Variants in CDHR1 observed in about 807,000 individuals in gnomAD.
CDHR1 encodes the protein cadherin-related family member 1.
In CDHR1, 61 loss-of-function variants were observed where a neutral mutation model predicts 72.1. The observed-to-expected ratio is 0.85, with a 90% CI of 0.69 to 1.05. The LOEUF (loss-of-function observed/expected upper bound fraction) is 1.05, where lower values mean the gene tolerates loss of function less well. Ranked by LOEUF, CDHR1 falls within the 50% of genes least tolerant of loss-of-function variation. CDHR1 has a pLI of 0.00. For synonymous variants in CDHR1, 470 were observed against 448.1 expected, an observed-to-expected ratio of 1.05 and a Z score of -0.62; for missense variants, 1,186 against 1,115.7, an observed-to-expected ratio of 1.06 and a Z score of -0.90.
rs1434052391 is a variant in CDHR1, at chr10:84,213,308, G to T, written c.2000G>T (p.Ser667Ile). 6 of 1,614,092 alleles carry T rather than the reference G, an allele frequency of 3.7e-6. No homozygotes were observed. Among genetic ancestry groups the T allele is most frequent in the Admixed American group, 1.7e-5 (1 of 60,018 alleles). ...QAKDRGSPSFSTTALLKIDIT... is the reference protein window; with the variant it reads ...QAKDRGSPSFITTALLKIDIT... ...AAGGACCGGGGCTCCCCATCCTTCA[G>T]CACCACAGCCTTACTCAAGATTGAC... Residue 667 changes from serine (S) to isoleucine (I), a missense_variant, in exon 16 of 17, where the codon AGC becomes ATC. By Grantham distance (142) the Ser-to-Ile change is moderately radical. Transcript: ENST00000623527.
At chr10:84,202,880 C>T in intron 7 of CDHR1, 100 bp from the exon 8 acceptor site, 5 of 1,346,114 alleles carry the variant, frequency 3.7e-6, no homozygotes, top group Non-Finnish European at 3.2e-6. Flanking sequence ...GACAGCTGGC[C>T]TCACAGCCAT....
Position 84,208,179 on chromosome 10 carries a change from T to C in CDHR1, c.969T>C (p.Thr323=), listed in dbSNP as rs1331320927. The change falls in exon 11 of 17, where the codon ACT becomes ACC. Residue 323 remains threonine (T), a synonymous_variant. Coordinates refer to ENST00000623527, the MANE Select transcript of CDHR1 (RefSeq NM_033100.4). ...REVYELHVQV[T]EMSPAGSPAA... ...GCCACTTGTCCCCATCCCAGGTGAC[T>C]GAAATGAGCCCTGCGGGGAGCCCAG... The C allele has an allele frequency of 1.2e-6, 2 of 1,614,104 alleles. No homozygotes were observed. The highest frequency in any genetic ancestry group is 1.7e-6 in the Non-Finnish European group (2 of 1,180,000).
At chr10:84,195,391 C>A in intron 1 of CDHR1, 103 bp from the exon 2 acceptor site, 4 of 1,082,890 alleles carry the variant, frequency 3.7e-6, no homozygotes, top group South Asian at 1.3e-5. Flanking sequence ...GCCCTCCTGC[C>A]CAGTAGCTGG....
Position 84,195,522 on chromosome 10 carries a change from C to T in CDHR1, c.84C>T (p.Phe28=), listed in dbSNP as rs868172698. 4.3e-6 allele frequency: 7 copies of T among 1,614,030 alleles called. No homozygotes were observed. The highest frequency in any genetic ancestry group is 1.3e-5 in the African/African-American group (1 of 74,924). ...AGGCCAACTTCGCCCCGCACTTCTT[C>T]GACAACGGGGTCGGCAGCACCAACG... The part of the protein sequence containing the change: ...LAQANFAPHF[F]DNGVGSTNGN... The change falls in exon 2 of 17, where the codon TTC becomes TTT. Residue 28 remains phenylalanine, a synonymous_variant. Transcript: ENST00000623527.
In CDHR1 at chr10:84,211,044, C is replaced by T. The variant is rs1842321578; in HGVS notation, c.1364C>T (p.Thr455Ile). 1.2e-6 allele frequency: 2 copies of T among 1,614,240 alleles called. No individual in the cohort carries two copies. Among genetic ancestry groups the T allele is most frequent in the Non-Finnish European group, 8.5e-7 (1 of 1,180,048 alleles). Residue 455 changes from threonine (T) to isoleucine (I), a missense_variant, in exon 13 of 17, where the codon ACA (threonine) becomes ATA (isoleucine). By Grantham distance (89) the Thr-to-Ile change is moderately conservative. Coordinates refer to ENST00000623527, the MANE Select transcript of CDHR1 (RefSeq NM_033100.4). ...AACACCCCAGAGAAGTTCAGTTCCA[C>T]AGCGGATGTTGTGATCCAGCTCCTG... ...EVNTPEKFSS[T>I]ADVVIQLLDT...
chr10:84,213,626 A>G (rs1261152924), intron 16 of CDHR1, among the ~76,000 whole-genome samples: 1 of 152,244 alleles, frequency 6.6e-6, no homozygotes, highest in Middle Eastern at 3.2e-3. Context: ...GTTGAAAAGC[A>G]GAGTGAAGTC....
At position 84,208,766 on chromosome 10, in the gene CDHR1, C is replaced by G. The variant is rs1842277221; in HGVS notation, c.1205C>G (p.Pro402Arg). Reference sequence around the variant, plus strand: ...AAATTCAACTTGCAGCTGGTGGGACCCAGGGGCATCTTCCGAGTGGTTCCA... The same window carrying G: ...AAATTCAACTTGCAGCTGGTGGGACGCAGGGGCATCTTCCGAGTGGTTCCA... ...NAKFNLQLVG[P>R]RGIFRVVPQT... Residue 402 changes from proline to arginine, a missense_variant, in exon 12 of 17, where the codon CCC (proline) becomes CGC (arginine). Coordinates refer to ENST00000623527, the MANE Select transcript of CDHR1 (RefSeq NM_033100.4). 3.1e-6 allele frequency: 5 copies of G among 1,614,160 alleles called. No individual in the cohort carries two copies. The South Asian group carries it at 4.4e-5, about 14-fold the overall frequency.
Position 84,215,913 on chromosome 10 carries a change from G to A in CDHR1, c.*1292G>A, listed in dbSNP as rs1005782788. 18 of 985,344 alleles carry A rather than the reference G, an allele frequency of 1.8e-5. No homozygotes were observed. The Admixed American group carries it at 1.1e-3, about 61-fold the overall frequency. The allele number at this position is 985,344 out of a possible 1,614,324, so 61.0% of individuals were successfully genotyped here. A position where few individuals can be genotyped will look rare whatever the true frequency, so the allele number is the denominator to read the frequency against. On this transcript the variant is annotated 3_prime_UTR_variant, in exon 17 of 17. Coordinates refer to ENST00000623527, the MANE Select transcript of CDHR1 (RefSeq NM_033100.4). ...CCGTCAGAGAGAACCAGAGCTCCAAGTCTTTAATTTGCCAAGATGAAGAAA... is the reference window on the plus strand; with the variant it reads ...CCGTCAGAGAGAACCAGAGCTCCAAATCTTTAATTTGCCAAGATGAAGAAA...
Position 84,214,430 on chromosome 10 carries a change from C to T in CDHR1, c.2389C>T (p.Pro797Ser), listed in dbSNP as rs1466213444. Residue 797 changes from proline to serine, a missense_variant, in exon 17 of 17, where the codon CCA (proline) becomes TCA (serine). By Grantham distance (74) the Pro-to-Ser change is moderately conservative. Transcript: ENST00000623527. ...LLPRAPALPP[P>S]PSVAPSTGAA... ...CCCGAGAGCTCCGGCTCTCCCTCCA[C>T]CACCCAGCGTGGCGCCCAGCACTGG... The T allele has an allele frequency of 1.2e-6, 2 of 1,613,348 alleles. No individual in the cohort carries two copies. The highest frequency in any genetic ancestry group is 1.7e-6 in the Non-Finnish European group (2 of 1,180,030).
Position 84,199,110 on chromosome 10 carries a change from C to G in CDHR1, c.427C>G (p.Leu143Val). 6.4e-7 allele frequency: 1 copy of G among 1,551,186 alleles called. No individual in the cohort carries two copies. Among genetic ancestry groups the G allele is most frequent in the Admixed American group, 2.0e-5 (1 of 51,008 alleles). Residue 143 changes from leucine (L) to valine (V), a missense_variant, in exon 5 of 17, where the codon CTG (leucine) becomes GTG (valine). Transcript: ENST00000623527. Reference sequence around the variant, plus strand: ...GTTCATCCAGGAGCCTTATGTTGCCCTGGTTCCCGAGGTAAGTGAGGAGCT... The same window carrying G: ...GTTCATCCAGGAGCCTTATGTTGCCGTGGTTCCCGAGGTAAGTGAGGAGCT... ...PRFIQEPYVA[L>V]VPEDIPAGSI... is the part of the protein sequence containing the mutation.
At chr10:84,206,163 T>A (rs1418762343) in intron 10 of CDHR1, among the ~76,000 whole-genome samples, 1 of 149,832 alleles carries the variant, frequency 6.7e-6, no homozygotes, top group East Asian at 2.0e-4. Context: ...AGGTGCATGC[T>A]GCCAGAGGCG....
chr10:84,208,469 T>G (rs1411900236), intron 11 of CDHR1, 92 bp downstream of exon 11: 1 of 1,378,192 alleles, frequency 7.3e-7, no homozygotes, highest in African/African-American at 1.4e-5. Context: ...CTGCTCTGCG[T>G]ATGTAGCCGG....
chr10:84,215,190 T>C lies in CDHR1; in HGVS notation c.*569T>C, dbSNP rs909926501. ...GGATGCACAGAAAACACACTGACTG[T>C]GGGACTGTGCCAGGATGCATTTGGA... On this transcript the variant is annotated 3_prime_UTR_variant, in exon 17 of 17. Transcript: ENST00000623527. 1.6e-5 allele frequency: 16 copies of C among 1,003,784 alleles called. No homozygotes were observed. The highest frequency in any genetic ancestry group is 1.9e-5 in the Non-Finnish European group (16 of 840,840). The allele number at this position is 1,003,784 out of a possible 1,614,324, so 62.2% of individuals were successfully genotyped here. A position where few individuals can be genotyped will look rare whatever the true frequency, so the allele number is the denominator to read the frequency against.
In CDHR1 at chr10:84,200,592, C is replaced by G. The variant is rs746496476; in HGVS notation, c.439-9C>G. On this transcript the variant is annotated splice_polypyrimidine_tract_variant and intron_variant, in intron 5 of 16. Transcript: ENST00000623527. ...CTCTGACCCTCCCCTGTGGCTGTGA[C>G]CCCCTCAGGACATACCTGCTGGGAG... The G allele has an allele frequency of 1.2e-6, 2 of 1,601,294 alleles. No individual in the cohort carries two copies. Among genetic ancestry groups the G allele is most frequent in the Non-Finnish European group, 8.5e-7 (1 of 1,172,030 alleles).
Position 84,194,629 on chromosome 10 carries a change from C to T in CDHR1, c.-132C>T. On this transcript the variant is annotated 5_prime_UTR_variant, in exon 1 of 17. Coordinates refer to ENST00000623527, the MANE Select transcript of CDHR1 (RefSeq NM_033100.4). ...CGCCACCCGCCGCTCCCGCCCCGTG[C>T]CCCCTCCCGCCGCGGCTGCAGTCGC... is the stretch of plus-strand genomic sequence containing the variant. 5.4e-6 allele frequency: 3 copies of T among 560,388 alleles called. No homozygotes were observed. The highest frequency in any genetic ancestry group is 5.6e-6 in the Non-Finnish European group (2 of 358,128). 34.7% of individuals were successfully genotyped at this position (560,388 alleles called of 1,614,324 possible). A position where few individuals can be genotyped will look rare whatever the true frequency, so the allele number is the denominator to read the frequency against.
Position 84,207,684 on chromosome 10 carries a change from C to T in CDHR1, c.964-490C>T, listed in dbSNP as rs180803416. On this transcript the variant is annotated intron_variant, in intron 10 of 16. Transcript: ENST00000623527. Reference sequence around the variant, plus strand: ...CTTAAAACAATACACATTCATATCTCATAGTTTCTGTGGTTCAGGACTCCA... The same window carrying T: ...CTTAAAACAATACACATTCATATCTTATAGTTTCTGTGGTTCAGGACTCCA... 3.4e-3 allele frequency among the ~76,000 whole-genome samples: 514 copies of T among 152,284 alleles called. 4 individuals carry two copies. Among genetic ancestry groups the T allele is most frequent in the Middle Eastern group, 6.8e-3 (2 of 294 alleles).
chr10:84,215,753 T>C lies in CDHR1; in HGVS notation c.*1132T>C, dbSNP rs1300283047. 3 of 985,282 alleles carry C rather than the reference T, an allele frequency of 3.0e-6. No individual in the cohort carries two copies. The highest frequency in any genetic ancestry group is 3.6e-6 in the Non-Finnish European group (3 of 829,958). 61.0% of individuals were successfully genotyped at this position (985,282 alleles called of 1,614,324 possible). A position where few individuals can be genotyped will look rare whatever the true frequency, so the allele number is the denominator to read the frequency against. Reference sequence around the variant, plus strand: ...TCCAGAAAGTATTAGGAGCCTCACATCTACTCTGCCAAGCGCCCCAGCAGG... The same window carrying C: ...TCCAGAAAGTATTAGGAGCCTCACACCTACTCTGCCAAGCGCCCCAGCAGG... On this transcript the variant is annotated 3_prime_UTR_variant, in exon 17 of 17. Transcript: ENST00000623527.
chr10:84,213,216 C>T lies in CDHR1; in HGVS notation c.1908C>T (p.Arg636=), dbSNP rs573718447. The T allele has an allele frequency of 3.7e-6, 6 of 1,614,244 alleles. No homozygotes were observed. The South Asian group carries it at 6.6e-5, about 18-fold the overall frequency. ...AGATCTGGCTCAAGAATTCCATCCG[C>T]TCCCTGGATGCCCTGCACAACATCA... is the stretch of plus-strand genomic sequence containing the variant. The part of the protein sequence containing the change: ...TGEIWLKNSI[R]SLDALHNITP... Residue 636 remains arginine, a synonymous_variant, in exon 16 of 17, where the codon CGC becomes CGT. Transcript: ENST00000623527.
At chr10:84,211,750 G>T (rs770098162) in intron 14 of CDHR1, 35 bp downstream of exon 14, 2 of 1,578,630 alleles carry the variant, frequency 1.3e-6, no homozygotes, top group East Asian at 4.5e-5. Context: ...AGGGCCTTGG[G>T]CAAGGGGATT....
Sources: allele counts gnomAD v4.1 joint callset (sites outside exome capture counted in the v4.1 genomes callset), GRCh38; gene constraint gnomAD v4.1.1; transcripts MANE v1.5; gene names NCBI Gene and HGNC (gene_info 2026-07-23, HGNC 2026-07-21).